COL25A1: variants seen among roughly 807,000 people sequenced by gnomAD.
COL25A1 encodes collagen alpha-1(XXV) chain.
COL25A1 carries 103 observed loss-of-function variants against 128.4 expected under a neutral mutation model. The observed-to-expected ratio is 0.80, with a 90% confidence interval of 0.68 to 0.94. COL25A1 has a LOEUF of 0.94. Among genes scored for constraint, COL25A1 ranks in the 40% least tolerant of loss-of-function variants. The pLI is 0.00. For synonymous variants in COL25A1, 279 were observed against 277.2 expected, an observed-to-expected ratio of 1.01 and a Z score of -0.06; for missense variants, 745 against 840.0, an observed-to-expected ratio of 0.89 and a Z score of 1.40.
rs760290496 is a variant in COL25A1 at position 108,918,218 on chromosome 4, T to A, written c.736-2A>T. On this transcript the variant is annotated splice_acceptor_variant, in intron 12 of 37. Transcript: ENST00000399132. LOFTEE classifies it high-confidence loss of function. Reference sequence around the variant, plus strand: ...AATTCCAGGTGCTCCAATAGAACCCTAAAGAGACACATGATTAAATTCAGT... The same window carrying A: ...AATTCCAGGTGCTCCAATAGAACCCAAAAGAGACACATGATTAAATTCAGT... 24 of 1,592,120 alleles carry A rather than the reference T, an allele frequency of 1.5e-5. No homozygotes were observed. Among genetic ancestry groups the A allele is most frequent in the Non-Finnish European group, 1.9e-5 (22 of 1,165,194 alleles).
At chr4:108,996,049 A>T (rs1009737149) in intron 6 of COL25A1, among the ~76,000 whole-genome samples, 4 of 152,200 alleles carry the variant, frequency 2.6e-5, no homozygotes, top group Non-Finnish European at 5.9e-5. Context: ...GCTAGGAAGA[A>T]ACTGCATCAA....
At chr4:109,188,611 G>T (rs1775338653) in intron 3 of COL25A1, among the ~76,000 whole-genome samples, 1 of 152,074 alleles carries the variant, frequency 6.6e-6, no homozygotes, top group Admixed American at 6.6e-5. Context: ...TACCAAAGGG[G>T]TCCCAAGAAT....
intron 3 of COL25A1, among the ~76,000 whole-genome samples, chr4:109,194,585 C>T (rs1353334800): frequency 6.6e-6 from 1 of 152,032 alleles, no homozygotes; most frequent in Non-Finnish European, 1.5e-5. Context: ...AAATTATATA[C>T]CAAATCGGGC....
chr4:109,151,346 A>G (rs1771483987), intron 3 of COL25A1, among the ~76,000 whole-genome samples: 1 of 152,106 alleles, frequency 6.6e-6, no homozygotes, highest in Non-Finnish European at 1.5e-5. Flanking sequence ...CTCTTCTAAG[A>G]CACACTAGAC....
At chr4:109,063,502 C>CAAA (rs34484812) in intron 3 of COL25A1, among the ~76,000 whole-genome samples, 1 of 107,888 alleles carries the variant, frequency 9.3e-6, no homozygotes, top group African/African-American at 3.4e-5. Flanking sequence ...GACTCCAACT[C>CAAA]AAAAAAAAAA....
At position 109,050,122 on chromosome 4, in the gene COL25A1, A is replaced by T. The variant is rs759019885; in HGVS notation, c.412+13T>A. 2.5e-6 allele frequency: 4 copies of T among 1,607,758 alleles called. No homozygotes were observed. In the East Asian group the frequency reaches 9.0e-5, roughly 36 times the overall value. ...AACATGAGTGACACAGAGCAGCTGA[A>T]AGAGAGACTTACCAGATTCTCCTCT... On this transcript the variant is annotated intron_variant, in intron 4 of 37. Coordinates refer to ENST00000399132, the MANE Select transcript of COL25A1 (RefSeq NM_198721.4).
chr4:109,301,955 G>A lies in COL25A1; in HGVS notation c.65C>T (p.Pro22Leu). ...GGTCCGGGCACAATGCTGTTCGGCA[G>A]GGGTCGGGTCCTCGGATCTGGGCTC... ...GREPRSEDPT[P>L]AEQHCARTMP... Residue 22 changes from proline to leucine, a missense_variant, in exon 2 of 38, where the codon CCT (proline) becomes CTT (leucine). Around this residue, in one of 3 missense-constraint regions of COL25A1, gnomAD observed 319 missense variants for 324.9 expected, o/e 0.98. Transcript: ENST00000399132. The A allele has an allele frequency of 6.2e-7, 1 of 1,612,750 alleles. No homozygotes were observed. Among genetic ancestry groups the A allele is most frequent in the South Asian group, 1.1e-5 (1 of 91,070 alleles).
At chr4:108,913,261 C>CTTTTTTTT (rs201929872) in intron 13 of COL25A1, among the ~76,000 whole-genome samples, 1 of 92,418 alleles carries the variant, frequency 1.1e-5, no homozygotes, top group Non-Finnish European at 2.1e-5. Flanking sequence ...TCTCTAGCTC[C>CTTTTTTTT]TTTTTTTTTT....
chr4:109,255,842 G>C (rs1049015112), intron 3 of COL25A1, among the ~76,000 whole-genome samples: 3 of 152,110 alleles, frequency 2.0e-5, no homozygotes, highest in African/African-American at 7.2e-5. Flanking sequence ...AACTTGCTTT[G>C]AGTTTAGAAT....
intron 3 of COL25A1, among the ~76,000 whole-genome samples, chr4:109,059,729 C>T (rs1761779395): frequency 6.6e-6 from 1 of 152,096 alleles, no homozygotes; most frequent in Non-Finnish European, 1.5e-5. Flanking sequence ...GCAGTTTTTA[C>T]CCATGCTGTT....
chr4:108,829,578 T>C (rs977061612), intron 32 of COL25A1, among the ~76,000 whole-genome samples: 50 of 152,088 alleles, frequency 3.3e-4, no homozygotes, highest in African/African-American at 1.0e-3. Flanking sequence ...GTGGGTCTAA[T>C]TGGAAAAATC....
chr4:109,152,095 T>A (rs199942812), intron 3 of COL25A1, among the ~76,000 whole-genome samples: 146 of 142,674 alleles, frequency 1.0e-3, no homozygotes, highest in Non-Finnish European at 9.9e-4. Context: ...GACTTTTTAA[T>A]AAAAAAAAAA....
chr4:109,239,022 AG>A (rs1779655414), intron 3 of COL25A1, among the ~76,000 whole-genome samples: 1 of 152,036 alleles, frequency 6.6e-6, no homozygotes, highest in African/African-American at 2.4e-5. Context: ...AATTCCTGAG[AG>A]GCCCAATAAG....
intron 3 of COL25A1, among the ~76,000 whole-genome samples, chr4:109,197,484 TATTATATATAAATATATATTATATA>T (rs1560851187): frequency 1.6e-4 from 21 of 127,354 alleles, no homozygotes; most frequent in African/African-American, 6.2e-4. Context: ...ATATATTATA[TATTATATATAAATATATATTATATA>T]ATATTTATAT....
chr4:109,097,662 A>ATTTTTTTT (rs780098779), intron 3 of COL25A1, among the ~76,000 whole-genome samples: 1 of 124,648 alleles, frequency 8.0e-6, no homozygotes, highest in African/African-American at 3.1e-5. Flanking sequence ...GTAAACATCA[A>ATTTTTTTT]TTTTTTTTTT....
chr4:109,014,995 G>A (rs1333066453), intron 5 of COL25A1, among the ~76,000 whole-genome samples: 1 of 152,176 alleles, frequency 6.6e-6, no homozygotes, highest in Non-Finnish European at 1.5e-5. Flanking sequence ...CGGCAGCGCC[G>A]AGTCTTGCAG....
In COL25A1 at chr4:109,016,965, G is replaced by A. The variant is rs1248207174; in HGVS notation, c.421-6590C>T. 4.6e-5 allele frequency among the ~76,000 whole-genome samples: 7 copies of A among 152,174 alleles called. No homozygotes were observed. The East Asian group carries it at 7.7e-4, about 17-fold the overall frequency. On this transcript the variant is annotated intron_variant, in intron 5 of 37. Transcript: ENST00000399132. ...GAGCTTAAACCCCTGCCCCTCATTC[G>A]CCATGTTGCGAGCACCAGAAAAAAA...
intron 27 of COL25A1, among the ~76,000 whole-genome samples, chr4:108,848,115 T>TA (rs910308884): frequency 5.9e-5 from 9 of 151,592 alleles, no homozygotes; most frequent in Non-Finnish European, 8.8e-5. Context: ...AGAGTGAATT[T>TA]AAAAAAAAAT....
intron 32 of COL25A1, among the ~76,000 whole-genome samples, chr4:108,829,570 G>A (rs1281625751): frequency 6.6e-6 from 1 of 152,076 alleles, no homozygotes; most frequent in East Asian, 1.9e-4. Context: ...AGATTAGGGT[G>A]GGTCTAATTG....
Sources: allele counts gnomAD v4.1 joint callset (sites outside exome capture counted in the v4.1 genomes callset), GRCh38; gene constraint gnomAD v4.1.1; regional missense constraint gnomAD v4.1.1; transcripts MANE v1.5; gene names NCBI Gene and HGNC (gene_info 2026-07-23, HGNC 2026-07-21).